Variants in GABRB2 observed in about 807,000 individuals in gnomAD.
GABRB2 encodes gamma-aminobutyric acid type A receptor subunit beta2.
In GABRB2, 16 loss-of-function variants were observed where a neutral mutation model predicts 54.7. The ratio of observed to expected loss-of-function variants is 0.29; its 90% confidence interval spans 0.20 to 0.44. The LOEUF is 0.44. Ranked by LOEUF, GABRB2 falls within the 20% of genes least tolerant of loss-of-function variation. GABRB2 has a pLI of 1.00. For synonymous variants in GABRB2, 244 were observed against 233.8 expected, an observed-to-expected ratio of 1.04 and a Z score of -0.40; for missense variants, 355 against 644.0, an observed-to-expected ratio of 0.55 and a Z score of 4.86.
intron 9 of GABRB2, among the ~76,000 whole-genome samples, chr5:161,312,692 T>A (rs1433875859): frequency 2.0e-5 from 3 of 152,180 alleles, no homozygotes; most frequent in African/African-American, 7.2e-5. Flanking sequence ...CAGCAAGATT[T>A]AAAGTTTTGT....
intron 9 of GABRB2, among the ~76,000 whole-genome samples, chr5:161,305,595 T>C (rs1232353108): frequency 6.6e-6 from 1 of 152,234 alleles, no homozygotes; most frequent in Non-Finnish European, 1.5e-5. Context: ...ACTCCCAACC[T>C]GGAGAGAGAT....
chr5:161,546,276 A>G (rs1335359478), intron 2 of GABRB2, 46 bp downstream of exon 2: 5 of 1,507,488 alleles, frequency 3.3e-6, no homozygotes, highest in South Asian at 1.1e-5. Flanking sequence ...AGCTCAAAAG[A>G]CAGCTTCGGC....
At chr5:161,325,604 C>T (rs969889568) in intron 9 of GABRB2, among the ~76,000 whole-genome samples, 6 of 151,984 alleles carry the variant, frequency 3.9e-5, no homozygotes, top group African/African-American at 1.4e-4. Flanking sequence ...CACAAATATC[C>T]AATATCATTT....
intron 5 of GABRB2, among the ~76,000 whole-genome samples, chr5:161,383,737 A>T (rs563539554): frequency 1.2e-4 from 18 of 152,300 alleles, no homozygotes; most frequent in African/African-American, 4.3e-4. Flanking sequence ...CCCCCACCAT[A>T]GATTATTTTG....
chr5:161,353,250 A>G (rs1406649022), intron 5 of GABRB2, among the ~76,000 whole-genome samples: 1 of 152,048 alleles, frequency 6.6e-6, no homozygotes, highest in Non-Finnish European at 1.5e-5. Context: ...GGGATTTGGA[A>G]TTGGGCAGAT....
intron 3 of GABRB2, among the ~76,000 whole-genome samples, chr5:161,541,564 T>C (rs548745784): frequency 6.6e-6 from 1 of 152,374 alleles, no homozygotes; most frequent in African/African-American, 2.4e-5. Flanking sequence ...CCATCAGCAT[T>C]TGCTAATACA....
chr5:161,510,479 C>A (rs1170190835), intron 3 of GABRB2, among the ~76,000 whole-genome samples: 1 of 151,810 alleles, frequency 6.6e-6, no homozygotes, highest in African/African-American at 2.4e-5. Context: ...TGTACATGTA[C>A]CATATTTTCA....
intron 5 of GABRB2, among the ~76,000 whole-genome samples, chr5:161,389,091 G>A (rs552275994): frequency 6.6e-6 from 1 of 151,926 alleles, no homozygotes; most frequent in East Asian, 1.9e-4. Context: ...TGAAAATATT[G>A]ATTACTTACC....
intron 3 of GABRB2, among the ~76,000 whole-genome samples, chr5:161,526,831 T>C (rs1217203983): frequency 1.3e-5 from 2 of 151,426 alleles, no homozygotes; most frequent in Non-Finnish European, 3.0e-5. Context: ...ATGCAAGACC[T>C]ACATGGAGAA....
chr5:161,527,595 T>C lies in GABRB2; in HGVS notation c.237+17632A>G, dbSNP rs187747253. Among the ~76,000 whole-genome samples, 48 of 151,502 alleles carry C rather than the reference T, an allele frequency of 3.2e-4. 3 individuals are homozygous for C. On this transcript the variant is annotated intron_variant, in intron 3 of 9. Transcript: ENST00000393959. ...ATATGTGATATAGGCTCAATAGCCTTAATACATAAAAAGTTACAACAAATC... is the reference window on the plus strand; with the variant it reads ...ATATGTGATATAGGCTCAATAGCCTCAATACATAAAAAGTTACAACAAATC...
At chr5:161,442,392 A>G (rs1008218400) in intron 4 of GABRB2, among the ~76,000 whole-genome samples, 5 of 152,220 alleles carry the variant, frequency 3.3e-5, no homozygotes, top group African/African-American at 1.2e-4. Context: ...AGTGATGATG[A>G]GGTACCCACT....
intron 5 of GABRB2, among the ~76,000 whole-genome samples, chr5:161,391,294 G>A (rs1163272238): frequency 6.6e-6 from 1 of 152,264 alleles, no homozygotes; most frequent in East Asian, 1.9e-4. Context: ...TTGTTAAGCA[G>A]GAGCATATGT....
intron 4 of GABRB2, among the ~76,000 whole-genome samples, chr5:161,436,199 G>C (rs770477251): frequency 7.2e-5 from 11 of 152,086 alleles, no homozygotes; most frequent in Admixed American, 2.6e-4. Flanking sequence ...TTAGTATAGT[G>C]CATGGCAGAA....
intron 5 of GABRB2, among the ~76,000 whole-genome samples, chr5:161,352,548 T>C (rs879308528): frequency 2.0e-5 from 3 of 151,994 alleles, no homozygotes; most frequent in Non-Finnish European, 4.4e-5. Flanking sequence ...TACCACAGGC[T>C]GGCAGGAGTG....
chr5:161,317,333 A>C (rs1758072263), intron 9 of GABRB2, among the ~76,000 whole-genome samples: 1 of 152,120 alleles, frequency 6.6e-6, no homozygotes, highest in South Asian at 2.1e-4. Flanking sequence ...ACAAAAACAA[A>C]CACTTTAGAA....
chr5:161,539,325 C>G (rs1463313678), intron 3 of GABRB2, among the ~76,000 whole-genome samples: 1 of 152,128 alleles, frequency 6.6e-6, no homozygotes, highest in Non-Finnish European at 1.5e-5. Context: ...TAATTGAGAC[C>G]ACATTCTTCC....
chr5:161,423,313 C>T (rs56150785), intron 4 of GABRB2, among the ~76,000 whole-genome samples: 3,630 of 152,128 alleles, frequency 0.024, 149 homozygotes, highest in African/African-American at 0.082. Context: ...AGGCATACCT[C>T]CTTTTATTGT....
At chr5:161,410,744 A>T (rs1371251027) in intron 5 of GABRB2, among the ~76,000 whole-genome samples, 2 of 152,122 alleles carry the variant, frequency 1.3e-5, no homozygotes, top group African/African-American at 4.8e-5. Context: ...TTATTGCCAG[A>T]TTATTTCTTC....
chr5:161,345,862 C>T (rs935413824), intron 5 of GABRB2, among the ~76,000 whole-genome samples: 1 of 152,046 alleles, frequency 6.6e-6, no homozygotes, highest in East Asian at 1.9e-4. Flanking sequence ...CTTCTTAATA[C>T]AGGTCTTAAT....
Sources: allele counts gnomAD v4.1 joint callset (sites outside exome capture counted in the v4.1 genomes callset), GRCh38; gene constraint gnomAD v4.1.1; transcripts MANE v1.5; gene names NCBI Gene and HGNC (gene_info 2026-07-23, HGNC 2026-07-21).